Variants in KIRREL3 observed in about 807,000 individuals in gnomAD.
KIRREL3 encodes the protein kin of IRRE-like protein 3.
KIRREL3 carries 36 observed loss-of-function variants against 89.7 expected under a neutral mutation model. The observed-to-expected ratio is 0.40, with a 90% CI of 0.31 to 0.53. KIRREL3 has a LOEUF of 0.53. Ranked by LOEUF, KIRREL3 falls within the 20% of genes least tolerant of loss-of-function variation. KIRREL3 has a pLI of 0.49. For missense variants in KIRREL3, 864 were observed against 1,056.6 expected (o/e 0.82, Z 2.53); for synonymous variants, 445 against 441.4 (o/e 1.01, Z -0.10).
intron 1 of KIRREL3, among the ~76,000 whole-genome samples, chr11:126,952,769 A>C (rs1192674580): frequency 3.9e-5 from 6 of 152,212 alleles, no homozygotes; most frequent in African/African-American, 1.4e-4. Flanking sequence ...GAAGGGATCC[A>C]AAACCACGAT....
rs1940407595 is a variant in KIRREL3 at position 126,564,934 on chromosome 11, A to G, written c.56-2022T>C. ...TTGCACACGCATTGTTCATCATTAG[A>G]ATGATACAATTGCTGACAATTCCTA... On this transcript the variant is annotated intron_variant, in intron 1 of 16. Coordinates refer to ENST00000525144, the MANE Select transcript of KIRREL3 (RefSeq NM_032531.4). The surrounding 1 kb of genome is among the most constrained non-coding windows in gnomAD (Gnocchi z 7.4). Among the ~76,000 whole-genome samples, 4 of 152,202 alleles carry G rather than the reference A, an allele frequency of 2.6e-5. No individual in the cohort carries two copies. The highest frequency in any genetic ancestry group is 2.6e-4 in the Admixed American group (4 of 15,276).
At chr11:126,725,924 T>C (rs6590227) in intron 1 of KIRREL3, among the ~76,000 whole-genome samples, 133,168 of 152,258 alleles carry the variant, frequency 0.87, 58,401 homozygotes, top group East Asian at 0.99. Context: ...TCACCCCCAG[T>C]TTCTCTGGTG....
chr11:126,436,555 C>T (rs891356707), intron 12 of KIRREL3, among the ~76,000 whole-genome samples: 4 of 152,274 alleles, frequency 2.6e-5, no homozygotes, highest in Admixed American at 2.0e-4. Flanking sequence ...ACTGAAGCAT[C>T]GCCCTCAAGG....
At chr11:126,699,382 A>G (rs1298106702) in intron 1 of KIRREL3, among the ~76,000 whole-genome samples, 1 of 152,262 alleles carries the variant, frequency 6.6e-6, no homozygotes, top group Non-Finnish European at 1.5e-5. Flanking sequence ...AGGTGCAGTA[A>G]AGGCTGAATA....
Position 126,645,868 on chromosome 11 carries a change from C to A in KIRREL3, c.56-82956G>T, listed in dbSNP as rs973446924. On this transcript the variant is annotated intron_variant, in intron 1 of 16. Transcript: ENST00000525144. The surrounding 1 kb of genome is among the most constrained non-coding windows in gnomAD (Gnocchi z 4.9). ...ATGCTAAAGAGGGCCAGGGCTAATA[C>A]TAATGCATATGCTGTTAAACCTTTT... 6.6e-6 allele frequency among the ~76,000 whole-genome samples: 1 copy of A among 152,206 alleles called. No individual in the cohort carries two copies. Among genetic ancestry groups the A allele is most frequent in the Admixed American group, 6.5e-5 (1 of 15,288 alleles).
chr11:126,987,338 C>G lies in KIRREL3; in HGVS notation c.55+13117G>C, dbSNP rs915715947. Among the ~76,000 whole-genome samples the G allele has an allele frequency of 1.3e-5, 2 of 151,998 alleles. No homozygotes were observed. Among genetic ancestry groups the G allele is most frequent in the African/African-American group, 4.8e-5 (2 of 41,370 alleles). ...AGACAATTTAACTAAAAAATACAAC[C>G]GTCTATGTATTTTCAAACTTTCCTT... On this transcript the variant is annotated intron_variant, in intron 1 of 16. Coordinates refer to ENST00000525144, the MANE Select transcript of KIRREL3 (RefSeq NM_032531.4). The surrounding 1 kb of genome is among the most constrained non-coding windows in gnomAD (Gnocchi z 4.6).
Position 126,551,318 on chromosome 11 carries a change from G to A in KIRREL3, c.133+11517C>T, listed in dbSNP as rs1334112780. ...GACCCACAATCAGAAAGTGGTGAAA[G>A]GTTAGAGTCCTGCGATGGGGCAGGG... On this transcript the variant is annotated intron_variant, in intron 2 of 16. Transcript: ENST00000525144. This position sits in a 1 kb window ranked among gnomAD's most constrained non-coding sequence, Gnocchi z 4.9. Among the ~76,000 whole-genome samples, 2 of 152,144 alleles carry A rather than the reference G, an allele frequency of 1.3e-5. No homozygotes were observed. The highest frequency in any genetic ancestry group is 2.4e-5 in the African/African-American group (1 of 41,428).
At chr11:126,928,320 A>T (rs1947804317) in intron 1 of KIRREL3, among the ~76,000 whole-genome samples, 1 of 152,216 alleles carries the variant, frequency 6.6e-6, no homozygotes, top group African/African-American at 2.4e-5. Flanking sequence ...GCTAGAGCAG[A>T]GGTGGGGAAG....
chr11:126,567,186 T>G (rs1000369701), intron 1 of KIRREL3, among the ~76,000 whole-genome samples: 1 of 152,186 alleles, frequency 6.6e-6, no homozygotes, highest in Non-Finnish European at 1.5e-5. Context: ...GTGACCTTGT[T>G]TGGAGATAGG....
chr11:126,928,694 G>GT lies in KIRREL3; in HGVS notation c.55+71760dup, dbSNP rs374919569. ...CCAGCATGACTGGGTGGAAAAGGAT[G>GT]TTTTAATGGACATAAGGAACACAGC... On this transcript the variant is annotated intron_variant, in intron 1 of 16. Transcript: ENST00000525144. 1.9e-3 allele frequency among the ~76,000 whole-genome samples: 285 copies of GT among 152,328 alleles called. 1 individual carries two copies. The highest frequency in any genetic ancestry group is 6.6e-3 in the African/African-American group (274 of 41,584).
intron 1 of KIRREL3, among the ~76,000 whole-genome samples, chr11:126,972,794 C>T (rs1315552577): frequency 6.6e-6 from 1 of 152,136 alleles, no homozygotes; most frequent in Non-Finnish European, 1.5e-5. Flanking sequence ...ACATATTCTT[C>T]TTTCCTTACC....
rs1339572033 is a variant in KIRREL3 at position 126,635,624 on chromosome 11, G to A, written c.56-72712C>T. Among the ~76,000 whole-genome samples the A allele has an allele frequency of 2.0e-5, 3 of 152,088 alleles. No individual in the cohort carries two copies. Among genetic ancestry groups the A allele is most frequent in the African/African-American group, 4.8e-5 (2 of 41,398 alleles). ...CCAGCCCAGAGTAACCAGAGATCTT[G>A]GGCCACAAGTCAGACACACCTAGAC... On this transcript the variant is annotated intron_variant, in intron 1 of 16. Coordinates refer to ENST00000525144, the MANE Select transcript of KIRREL3 (RefSeq NM_032531.4). This position sits in a 1 kb window ranked among gnomAD's most constrained non-coding sequence, Gnocchi z 4.0.
At position 126,623,148 on chromosome 11, in the gene KIRREL3, C is replaced by A. The variant is rs1260175938; in HGVS notation, c.56-60236G>T. Among the ~76,000 whole-genome samples, 1 of 152,330 alleles carries A rather than the reference C, an allele frequency of 6.6e-6. No homozygotes were observed. The highest frequency in any genetic ancestry group is 3.4e-3 in the Middle Eastern group (1 of 294). On this transcript the variant is annotated intron_variant, in intron 1 of 16. Transcript: ENST00000525144. This position sits in a 1 kb window ranked among gnomAD's most constrained non-coding sequence, Gnocchi z 4.1. Reference sequence around the variant, plus strand: ...ACATAAGAAAACAGAAATAGGTCATCATTTGTCTAAGGTGACAGAGCCCAA... The same window carrying A: ...ACATAAGAAAACAGAAATAGGTCATAATTTGTCTAAGGTGACAGAGCCCAA...
At chr11:126,878,580 T>G (rs1289230062) in intron 1 of KIRREL3, among the ~76,000 whole-genome samples, 1 of 151,480 alleles carries the variant, frequency 6.6e-6, no homozygotes, top group Middle Eastern at 3.2e-3. Flanking sequence ...AAAATAAAAG[T>G]CAATGTGATT....
chr11:126,741,282 T>C (rs899976865), intron 1 of KIRREL3, among the ~76,000 whole-genome samples: 2 of 152,232 alleles, frequency 1.3e-5, no homozygotes, highest in Admixed American at 1.3e-4. Context: ...ACCTGTGATA[T>C]GGATATTAAT....
rs10893522 is a variant in KIRREL3, at chr11:126,486,175, T to G, written c.434-12709A>C. ...AGAAGGGAGCTGCAGTGATTTGCAC[T>G]CAAGCAGACCAGTGTGCCTGTGCCG... On this transcript the variant is annotated intron_variant, in intron 4 of 16. Transcript: ENST00000525144. The surrounding 1 kb of genome is among the most constrained non-coding windows in gnomAD (Gnocchi z 6.2). Among the ~76,000 whole-genome samples the G allele has an allele frequency of 0.97, 148,073 of 152,252 alleles. 72,036 individuals carry two copies. Among genetic ancestry groups the G allele is most frequent in the East Asian group, 1 (5,178 of 5,178 alleles).
intron 7 of KIRREL3, among the ~76,000 whole-genome samples, chr11:126,450,603 GTCCATC>G (rs1956031874): frequency 6.6e-6 from 1 of 151,338 alleles, no homozygotes; most frequent in African/African-American, 2.4e-5. Context: ...GCATGTGTGT[GTCCATC>G]GGCGTGTGCG....
rs187012503 is a variant in KIRREL3, at chr11:126,970,198, A to C, written c.55+30257T>G. 3.3e-5 allele frequency among the ~76,000 whole-genome samples: 5 copies of C among 152,262 alleles called. No individual in the cohort carries two copies. In the East Asian group the frequency reaches 9.7e-4, roughly 29 times the overall value. On this transcript the variant is annotated intron_variant, in intron 1 of 16. Coordinates refer to ENST00000525144, the MANE Select transcript of KIRREL3 (RefSeq NM_032531.4). The surrounding 1 kb of genome is among the most constrained non-coding windows in gnomAD (Gnocchi z 4.4). ...GTTTTTCGCTCTTCACAGCTCAGTT[A>C]ATTCCACTTAAGACACTCTTGTTTC... is the stretch of plus-strand genomic sequence containing the variant.
rs554189930 is a variant in KIRREL3, at chr11:126,876,745, G to T, written c.55+123710C>A. Among the ~76,000 whole-genome samples the T allele has an allele frequency of 6.6e-6, 1 of 152,096 alleles. No individual in the cohort carries two copies. Among genetic ancestry groups the T allele is most frequent in the South Asian group, 2.1e-4 (1 of 4,808 alleles). On this transcript the variant is annotated intron_variant, in intron 1 of 16. Transcript: ENST00000525144. The surrounding 1 kb of genome is among the most constrained non-coding windows in gnomAD (Gnocchi z 4.1). ...AGTAGAGATGGGGTTTCACCATGTT[G>T]GCCAGGCTGGTTTTGAACTCATGAC... is the stretch of plus-strand genomic sequence containing the variant.
Sources: allele counts gnomAD v4.1 joint callset (sites outside exome capture counted in the v4.1 genomes callset), GRCh38; gene constraint gnomAD v4.1.1; non-coding constraint Gnocchi (gnomAD v3.1); transcripts MANE v1.5; gene names NCBI Gene and HGNC (gene_info 2026-07-23, HGNC 2026-07-21).